The following PDE4D variants were observed in gnomAD, a reference collection of about 807,000 sequenced individuals.
PDE4D encodes 3',5'-cyclic-AMP phosphodiesterase 4D.
In PDE4D, 24 loss-of-function variants were observed where a neutral mutation model predicts 87.4. The ratio of observed to expected loss-of-function variants is 0.27; its 90% CI spans 0.20 to 0.39. The LOEUF (loss-of-function observed/expected upper bound fraction) is 0.39, where lower values mean the gene tolerates loss of function less well. Ranked by LOEUF, PDE4D falls within the 10% of genes least tolerant of loss-of-function variation. PDE4D has a pLI of 1.00. For synonymous variants in PDE4D, 384 were observed against 383.2 expected, an observed-to-expected ratio of 1.00 and a Z score of -0.02; for missense variants, 714 against 1,041.0, an observed-to-expected ratio of 0.69 and a Z score of 4.32.
chr5:59,511,747 G>A (rs1810319960), intron 1 of PDE4D, among the ~76,000 whole-genome samples: 1 of 151,988 alleles, frequency 6.6e-6, no homozygotes, highest in South Asian at 2.1e-4. Flanking sequence ...AGGTTACAAG[G>A]AAGTACCTGC....
At chr5:59,224,150 T>TAAAAA (rs1753187535) in intron 1 of PDE4D, among the ~76,000 whole-genome samples, 1 of 114,242 alleles carries the variant, frequency 8.8e-6, no homozygotes, top group African/African-American at 3.8e-5. Context: ...AAAAAAAAAG[T>TAAAAA]CAGGCACGAT....
At chr5:59,769,866 AT>A (rs748185713) in intron 1 of PDE4D, among the ~76,000 whole-genome samples, 28 of 151,908 alleles carry the variant, frequency 1.8e-4, no homozygotes, top group Non-Finnish European at 3.5e-4. Context: ...GACTGGAATG[AT>A]TCTTTTTGTT....
chr5:59,811,645 C>G (rs1021572966), intron 1 of PDE4D, among the ~76,000 whole-genome samples: 1 of 152,182 alleles, frequency 6.6e-6, no homozygotes, highest in Non-Finnish European at 1.5e-5. Context: ...CTCCTCTTGT[C>G]TCAGGCTAAC....
At chr5:59,095,041 GAAAAGATGGCTCAAT>G (rs1769442392) in intron 5 of PDE4D, among the ~76,000 whole-genome samples, 1 of 151,878 alleles carries the variant, frequency 6.6e-6, no homozygotes, top group Non-Finnish European at 1.5e-5. Flanking sequence ...TGAGACCTCT[GAAAAGATGGCTCAAT>G]GGGCAAGATG....
chr5:59,647,735 AT>A (rs1742715902), intron 1 of PDE4D, among the ~76,000 whole-genome samples: 1 of 152,198 alleles, frequency 6.6e-6, no homozygotes. Flanking sequence ...AATTATATAT[AT>A]GTGTTCACAT....
intron 5 of PDE4D, among the ~76,000 whole-genome samples, chr5:59,111,406 G>A (rs1306403603): frequency 6.6e-6 from 1 of 152,126 alleles, no homozygotes; most frequent in Non-Finnish European, 1.5e-5. Flanking sequence ...AAATTCTACA[G>A]TTTTCTAGGG....
In PDE4D at chr5:59,888,998, G is replaced by A. The variant is rs912005236; in HGVS notation, c.455+4170C>T. Among the ~76,000 whole-genome samples the A allele has an allele frequency of 3.3e-5, 5 of 151,364 alleles. 1 individual carries two copies. The highest frequency in any genetic ancestry group is 9.7e-5 in the African/African-American group (4 of 41,278). ...TCCCAGCACTTTGGGAGGCCGAGGC[G>A]GGTGGATAACTTGAGGCCAGGAGTT... On this transcript the variant is annotated intron_variant, in intron 1 of 14. Transcript: ENST00000340635.
intron 5 of PDE4D, among the ~76,000 whole-genome samples, chr5:59,132,221 T>A (rs1776391287): frequency 6.6e-6 from 1 of 152,180 alleles, no homozygotes; most frequent in Admixed American, 6.5e-5. Context: ...GTATAACCCT[T>A]GAAAGTAAAA....
At chr5:59,070,719 T>C (rs1480142950) in intron 5 of PDE4D, among the ~76,000 whole-genome samples, 1 of 152,218 alleles carries the variant, frequency 6.6e-6, no homozygotes, top group African/African-American at 2.4e-5. Context: ...TTAGTTTCTT[T>C]GTTCCCTTAG....
chr5:59,008,737 T>A (rs1456028990), intron 6 of PDE4D, among the ~76,000 whole-genome samples: 1 of 151,968 alleles, frequency 6.6e-6, no homozygotes, highest in Non-Finnish European at 1.5e-5. Context: ...TATACTGGAC[T>A]TTACCAAATT....
intron 1 of PDE4D, among the ~76,000 whole-genome samples, chr5:59,433,590 T>C (rs1419753039): frequency 6.6e-6 from 1 of 152,056 alleles, no homozygotes; most frequent in Non-Finnish European, 1.5e-5. Flanking sequence ...ATCTAAAGAT[T>C]AGAGCTACCA....
chr5:60,219,926 G>T (rs1182103722), intron 1 of PDE4D, among the ~76,000 whole-genome samples: 1 of 152,130 alleles, frequency 6.6e-6, no homozygotes, highest in African/African-American at 2.4e-5. Flanking sequence ...GAAGGAAGCA[G>T]CATACAGATT....
At chr5:59,580,241 T>C (rs1313787640) in intron 1 of PDE4D, among the ~76,000 whole-genome samples, 7 of 152,194 alleles carry the variant, frequency 4.6e-5, no homozygotes, top group Admixed American at 1.3e-4. Flanking sequence ...GCAATAGATA[T>C]ATGAACTTTC....
intron 1 of PDE4D, among the ~76,000 whole-genome samples, chr5:60,454,743 A>G (rs999836840): frequency 5.9e-5 from 9 of 152,198 alleles, no homozygotes; most frequent in Non-Finnish European, 7.3e-5. Context: ...CCAAACCACC[A>G]TGGCACACAT....
chr5:60,273,786 G>A (rs567553603), intron 1 of PDE4D, among the ~76,000 whole-genome samples: 11 of 152,200 alleles, frequency 7.2e-5, no homozygotes, highest in African/African-American at 1.7e-4. Flanking sequence ...AGGAGGAGAC[G>A]CAGACATGGT....
chr5:59,522,224 A>G (rs1812366944), intron 1 of PDE4D, among the ~76,000 whole-genome samples: 1 of 152,240 alleles, frequency 6.6e-6, no homozygotes, highest in Non-Finnish European at 1.5e-5. Context: ...CTTGTTCTTG[A>G]ACTATAAATA....
intron 1 of PDE4D, among the ~76,000 whole-genome samples, chr5:59,625,948 C>T (rs561838658): frequency 6.6e-6 from 1 of 152,146 alleles, no homozygotes; most frequent in African/African-American, 2.4e-5. Flanking sequence ...ATTGGCCAGG[C>T]GTGGTGGCGG....
intron 1 of PDE4D, among the ~76,000 whole-genome samples, chr5:59,447,000 C>A (rs1286628671): frequency 6.6e-6 from 1 of 152,152 alleles, no homozygotes; most frequent in Non-Finnish European, 1.5e-5. Context: ...AGCATCCATG[C>A]AGGTGCATTA....
intron 1 of PDE4D, among the ~76,000 whole-genome samples, chr5:60,458,430 T>C (rs1485516586): frequency 1.4e-5 from 2 of 147,916 alleles, no homozygotes; most frequent in Non-Finnish European, 3.0e-5. Context: ...AAAGAATGTG[T>C]GTCATGTTGC....
Sources: allele counts gnomAD v4.1 joint callset (sites outside exome capture counted in the v4.1 genomes callset), GRCh38; gene constraint gnomAD v4.1.1; transcripts MANE v1.5; gene names NCBI Gene and HGNC (gene_info 2026-07-23, HGNC 2026-07-21).